Variants in LRRIQ1 observed in about 807,000 individuals in gnomAD.
LRRIQ1 encodes the protein leucine-rich repeat- and IQ domain-containing protein 1.
In LRRIQ1, 210 loss-of-function variants were observed where a neutral mutation model predicts 211.9. The observed-to-expected ratio is 0.99, with a 90% CI of 0.89 to 1.11. The LOEUF (loss-of-function observed/expected upper bound fraction) is 1.11. LRRIQ1 is among the 50% of genes most tolerant of loss of function. LRRIQ1 has a pLI of 0.00. For synonymous variants in LRRIQ1, 699 were observed against 650.1 expected, an observed-to-expected ratio of 1.08 and a Z score of -1.14; for missense variants, 2,136 against 1,939.5, an observed-to-expected ratio of 1.10 and a Z score of -1.90.
Position 85,160,640 on chromosome 12 carries a change from A to G in LRRIQ1, c.4748A>G (p.Lys1583Arg). Residue 1583 changes from lysine (K) to arginine (R), a missense_variant, in exon 24 of 27, where the codon AAA (lysine) becomes AGA (arginine). Coordinates refer to ENST00000393217, the MANE Select transcript of LRRIQ1 (RefSeq NM_001079910.2). ...TCCACTGTGCGTCTAGCCTTATTCA[A>G]AAACAATGAAAATAAAGTGTCTCTT... ...IDSTVRLALF[K>R]NNENKVSLPK... 6.2e-7 allele frequency: 1 copy of G among 1,610,162 alleles called. No homozygotes were observed. The highest frequency in any genetic ancestry group is 1.1e-5 in the South Asian group (1 of 90,818).
chr12:85,197,787 C>A (rs1305159703), intron 24 of LRRIQ1, among the ~76,000 whole-genome samples: 3 of 145,776 alleles, frequency 2.1e-5, no homozygotes. Context: ...ATGTAACTAA[C>A]CTGCACAATG....
chr12:85,153,217 A>G (rs1309141212), intron 21 of LRRIQ1, 72 bp downstream of exon 21: 2 of 1,329,814 alleles, frequency 1.5e-6, no homozygotes. Flanking sequence ...CAAAAGTAGT[A>G]CAATTATAAA....
At chr12:85,145,590 C>A (rs1317710070) in intron 19 of LRRIQ1, among the ~76,000 whole-genome samples, 1 of 151,686 alleles carries the variant, frequency 6.6e-6, no homozygotes, top group African/African-American at 2.4e-5. Flanking sequence ...CAGCAGGCAG[C>A]AAGAGCTTCA....
intron 19 of LRRIQ1, among the ~76,000 whole-genome samples, chr12:85,151,245 G>C (rs1442283011): frequency 6.6e-6 from 1 of 151,526 alleles, no homozygotes; most frequent in East Asian, 1.9e-4. Flanking sequence ...AATGGTGCAA[G>C]TTTGGTTAGG....
chr12:85,162,672 T>C, intron 24 of LRRIQ1: 2 of 432,778 alleles, frequency 4.6e-6, no homozygotes, highest in South Asian at 3.4e-5. Flanking sequence ...TTCAAAGTAG[T>C]GATAAATTCA....
chr12:85,050,358 G>A (rs765445689), intron 6 of LRRIQ1, among the ~76,000 whole-genome samples: 6 of 152,006 alleles, frequency 3.9e-5, no homozygotes, highest in Middle Eastern at 3.2e-3. Context: ...ACAAATGACC[G>A]TTGATAACCA....
intron 11 of LRRIQ1, among the ~76,000 whole-genome samples, chr12:85,079,300 C>T (rs1480775356): frequency 7.4e-6 from 1 of 134,618 alleles, no homozygotes; most frequent in Non-Finnish European, 1.5e-5. Context: ...CGGCTTACTG[C>T]AAGCTCCGCC....
intron 26 of LRRIQ1, among the ~76,000 whole-genome samples, chr12:85,241,756 A>G (rs1895472246): frequency 6.6e-6 from 1 of 152,022 alleles, no homozygotes; most frequent in Non-Finnish European, 1.5e-5. Context: ...GTACATAGAC[A>G]TTTGTTTTTA....
At position 85,080,293 on chromosome 12, in the gene LRRIQ1, C is replaced by T. The variant is rs543978623; in HGVS notation, c.2887+7195C>T. ...ATTCACTCTGTCTGAATTCATTGTG[C>T]CTCCTAAATCTGTGGCTCAGTGTCT... On this transcript the variant is annotated intron_variant, in intron 11 of 26. Coordinates refer to ENST00000393217, the MANE Select transcript of LRRIQ1 (RefSeq NM_001079910.2). Among the ~76,000 whole-genome samples, 4 of 151,800 alleles carry T rather than the reference C, an allele frequency of 2.6e-5. No individual in the cohort carries two copies. The East Asian group carries it at 7.7e-4, about 29-fold the overall frequency.
intron 24 of LRRIQ1, among the ~76,000 whole-genome samples, chr12:85,211,417 G>A (rs978006979): frequency 2.6e-5 from 4 of 152,012 alleles, no homozygotes; most frequent in Non-Finnish European, 4.4e-5. Flanking sequence ...AATATTTTAG[G>A]ACTGCAATAA....
intron 24 of LRRIQ1, among the ~76,000 whole-genome samples, chr12:85,217,623 TA>T (rs1055343336): frequency 1.4e-5 from 2 of 138,936 alleles, no homozygotes; most frequent in African/African-American, 2.9e-5. Flanking sequence ...TATATATGTA[TA>T]TATGTATATA....
At chr12:85,174,463 A>G (rs941517136) in intron 24 of LRRIQ1, among the ~76,000 whole-genome samples, 2 of 151,780 alleles carry the variant, frequency 1.3e-5, no homozygotes, top group Non-Finnish European at 2.9e-5. Context: ...TGGGAGGCCA[A>G]GGTGGGCAGA....
rs568699238 is a variant in LRRIQ1 at position 85,052,001 on chromosome 12, T to C, written c.679-176T>C. 1.1e-4 allele frequency among the ~76,000 whole-genome samples: 17 copies of C among 152,310 alleles called. No homozygotes were observed. In the South Asian group the frequency reaches 3.5e-3, roughly 32 times the overall value. ...CTCAGAATGGAAACCCTAGGTATTA[T>C]GTGACACTTCAGTTTGAGATTAAAG... On this transcript the variant is annotated intron_variant, in intron 6 of 26. Coordinates refer to ENST00000393217, the MANE Select transcript of LRRIQ1 (RefSeq NM_001079910.2).
intron 19 of LRRIQ1, among the ~76,000 whole-genome samples, chr12:85,142,821 A>G (rs1592873417): frequency 2.0e-5 from 3 of 151,532 alleles, no homozygotes; most frequent in African/African-American, 7.3e-5. Context: ...TTATGGATGG[A>G]TAATTTTCCA....
intron 24 of LRRIQ1, among the ~76,000 whole-genome samples, chr12:85,180,241 T>G: frequency 6.6e-6 from 1 of 152,026 alleles, no homozygotes; most frequent in African/African-American, 2.4e-5. Context: ...CCTGAAAAAC[T>G]TAATCATTAT....
intron 26 of LRRIQ1, among the ~76,000 whole-genome samples, chr12:85,238,949 T>C (rs1275676752): frequency 6.6e-6 from 1 of 152,144 alleles, no homozygotes; most frequent in African/African-American, 2.4e-5. Context: ...TAAAATATGC[T>C]ACGTTTCTAA....
chr12:85,175,014 G>C (rs1891621589), intron 24 of LRRIQ1, among the ~76,000 whole-genome samples: 1 of 152,026 alleles, frequency 6.6e-6, no homozygotes, highest in South Asian at 2.1e-4. Context: ...AGTAGCCTTG[G>C]ATCCTAGAAA....
At chr12:85,144,028 G>A (rs1392679106) in intron 19 of LRRIQ1, among the ~76,000 whole-genome samples, 4 of 151,448 alleles carry the variant, frequency 2.6e-5, no homozygotes, top group Non-Finnish European at 5.9e-5. Flanking sequence ...AGTAAGCATG[G>A]TACCTGACAA....
chr12:85,135,273 T>G (rs1889041313), intron 18 of LRRIQ1, among the ~76,000 whole-genome samples: 1 of 151,964 alleles, frequency 6.6e-6, no homozygotes, highest in Admixed American at 6.6e-5. Context: ...CTCCTGGTTT[T>G]CTGTAAATTG....
Sources: allele counts gnomAD v4.1 joint callset (sites outside exome capture counted in the v4.1 genomes callset), GRCh38; gene constraint gnomAD v4.1.1; transcripts MANE v1.5; gene names NCBI Gene and HGNC (gene_info 2026-07-23, HGNC 2026-07-21).